LRRC4C: variants seen among roughly 807,000 people sequenced by gnomAD.
LRRC4C encodes the protein leucine rich repeat containing 4C.
In LRRC4C, 5 loss-of-function variants were observed where a neutral mutation model predicts 33.6. That is an observed-to-expected ratio of 0.15 (90% CI 0.08 to 0.31). The LOEUF is 0.31. Ranked by LOEUF, LRRC4C falls within the 10% of genes least tolerant of loss-of-function variation. LRRC4C has a pLI of 1.00. For synonymous variants in LRRC4C, 329 were observed against 302.0 expected (o/e 1.09, Z -0.93); for missense variants, 560 against 796.7 (o/e 0.70, Z 3.58).
chr11:40,387,481 C>T (rs1414714428), intron 3 of LRRC4C, among the ~76,000 whole-genome samples: 2 of 152,174 alleles, frequency 1.3e-5, no homozygotes, highest in Non-Finnish European at 2.9e-5. Context: ...CCATGACTAA[C>T]TCTTCAAGGG....
intron 2 of LRRC4C, among the ~76,000 whole-genome samples, chr11:40,834,240 G>A (rs985861777): frequency 2.0e-5 from 3 of 152,114 alleles, no homozygotes; most frequent in Non-Finnish European, 4.4e-5. Context: ...TTGGGAGGCT[G>A]AGGTGGGCAG....
At chr11:41,416,632 A>G (rs1954692125) in intron 1 of LRRC4C, among the ~76,000 whole-genome samples, 1 of 152,000 alleles carries the variant, frequency 6.6e-6, no homozygotes, top group Admixed American at 6.6e-5. Flanking sequence ...GTGCAAGGGA[A>G]GGAGTATGGG....
chr11:40,766,088 A>C (rs1377550029), intron 2 of LRRC4C, among the ~76,000 whole-genome samples: 1 of 151,596 alleles, frequency 6.6e-6, no homozygotes, highest in African/African-American at 2.4e-5. Flanking sequence ...AGCAAGAAAA[A>C]AAAAAAAACA....
intron 3 of LRRC4C, among the ~76,000 whole-genome samples, chr11:40,552,451 A>T (rs1957163353): frequency 6.6e-6 from 1 of 152,158 alleles, no homozygotes; most frequent in South Asian, 2.1e-4. Flanking sequence ...TAAGTCTTTG[A>T]TGGAATCCTG....
chr11:40,253,167 A>G (rs1007560416), intron 4 of LRRC4C, among the ~76,000 whole-genome samples: 1 of 152,204 alleles, frequency 6.6e-6, no homozygotes, highest in African/African-American at 2.4e-5. Context: ...TCACCTAGGT[A>G]TATATACTTT....
chr11:40,280,248 A>G (rs1321898035), intron 4 of LRRC4C, among the ~76,000 whole-genome samples: 1 of 152,336 alleles, frequency 6.6e-6, no homozygotes, highest in East Asian at 1.9e-4. Context: ...GATGGGACTG[A>G]AGGCTTTAAT....
At chr11:40,154,395 G>A (rs1010175010) in intron 5 of LRRC4C, among the ~76,000 whole-genome samples, 2 of 151,402 alleles carry the variant, frequency 1.3e-5, no homozygotes, top group African/African-American at 4.8e-5. Context: ...TGGCCTAAAT[G>A]CTCCACTTAA....
chr11:40,428,262 CT>C (rs1056403963), intron 3 of LRRC4C, among the ~76,000 whole-genome samples: 4 of 152,012 alleles, frequency 2.6e-5, no homozygotes, highest in Admixed American at 2.0e-4. Context: ...CTACACAGGA[CT>C]TTTTTTTGAT....
chr11:40,716,732 A>T (rs1195277913), intron 2 of LRRC4C, among the ~76,000 whole-genome samples: 2 of 152,160 alleles, frequency 1.3e-5, no homozygotes, highest in East Asian at 3.9e-4. Flanking sequence ...CTCTGCTCAC[A>T]TCTTTCTGCA....
At chr11:41,110,079 T>C (rs879286098) in intron 1 of LRRC4C, among the ~76,000 whole-genome samples, 11 of 152,066 alleles carry the variant, frequency 7.2e-5, no homozygotes, top group Non-Finnish European at 1.5e-4. Context: ...TATTGCTCCA[T>C]GGGAAGTCAG....
chr11:41,015,685 T>C (rs1180698874), intron 1 of LRRC4C, among the ~76,000 whole-genome samples: 9 of 152,162 alleles, frequency 5.9e-5, no homozygotes, highest in Admixed American at 6.5e-5. Context: ...GAGGTACTCA[T>C]ATAATTTAAA....
intron 1 of LRRC4C, among the ~76,000 whole-genome samples, chr11:41,446,175 T>A (rs1955820724): frequency 6.6e-6 from 1 of 152,174 alleles, no homozygotes; most frequent in African/African-American, 2.4e-5. Flanking sequence ...TTACTCTTTT[T>A]CAAGAAAACA....
At chr11:40,896,943 A>G (rs2136154120) in intron 2 of LRRC4C, among the ~76,000 whole-genome samples, 1 of 152,316 alleles carries the variant, frequency 6.6e-6, no homozygotes, top group East Asian at 1.9e-4. Flanking sequence ...AACAAAGGAA[A>G]AGCAAATATC....
intron 3 of LRRC4C, among the ~76,000 whole-genome samples, chr11:40,504,393 G>A (rs1370059039): frequency 1.3e-5 from 2 of 151,972 alleles, no homozygotes; most frequent in Non-Finnish European, 2.9e-5. Flanking sequence ...ATGGACAGAC[G>A]GTCATAATTA....
intron 1 of LRRC4C, among the ~76,000 whole-genome samples, chr11:41,427,291 G>A (rs1359487948): frequency 6.6e-6 from 1 of 152,026 alleles, no homozygotes; most frequent in Non-Finnish European, 1.5e-5. Flanking sequence ...TATTTTTTAA[G>A]TATCCACTCT....
intron 6 of LRRC4C, among the ~76,000 whole-genome samples, chr11:40,124,988 T>C (rs566800592): frequency 2.1e-4 from 32 of 151,684 alleles, no homozygotes; most frequent in South Asian, 1.2e-3. Flanking sequence ...TATATATAAA[T>C]AAATTCTATT....
At chr11:41,455,436 T>A (rs1956145975) in intron 1 of LRRC4C, among the ~76,000 whole-genome samples, 1 of 152,162 alleles carries the variant, frequency 6.6e-6, no homozygotes, top group African/African-American at 2.4e-5. Context: ...AATTTATGCA[T>A]GTATGCATGC....
At chr11:40,311,943 C>CAAA (rs368014390) in intron 4 of LRRC4C, among the ~76,000 whole-genome samples, 5 of 61,926 alleles carry the variant, frequency 8.1e-5, no homozygotes, top group Non-Finnish European at 1.6e-4. Context: ...GACTCTGTCT[C>CAAA]AAAAAAAAAA....
At position 40,506,216 on chromosome 11, in the gene LRRC4C, T is replaced by C. The variant is rs937451773; in HGVS notation, c.-270+141926A>G. On this transcript the variant is annotated intron_variant, in intron 3 of 6. Coordinates refer to ENST00000528697, the MANE Select transcript of LRRC4C (RefSeq NM_001258419.2). ...TTATTCAACTTAATTCAATTTATAA[T>C]GATGAGATGAAGTAGAAGTTACTAC... Among the ~76,000 whole-genome samples, 2 of 152,306 alleles carry C rather than the reference T, an allele frequency of 1.3e-5. 1 individual carries two copies. Among genetic ancestry groups the C allele is most frequent in the East Asian group, 3.9e-4 (2 of 5,176 alleles).
Sources: gnomAD v4.1 joint callset for allele counts (sites outside exome capture counted in the v4.1 genomes callset) on GRCh38, gnomAD v4.1.1 for gene constraint, MANE v1.5 for transcripts, NCBI Gene and HGNC (gene_info 2026-07-23, HGNC 2026-07-21) for gene names.